The following WDR77 variants were observed in gnomAD, a reference collection of about 807,000 sequenced individuals.
WDR77 encodes the protein WD repeat domain 77.
In WDR77, 31 loss-of-function variants were observed where a neutral mutation model predicts 44.0. The ratio of observed to expected loss-of-function variants is 0.70; its 90% CI spans 0.53 to 0.95. WDR77 has a LOEUF of 0.95. Among genes scored for constraint, WDR77 ranks in the 40% least tolerant of loss-of-function variants. The pLI is 0.00. For missense variants in WDR77, 390 were observed against 423.9 expected (o/e 0.92, Z 0.70); for synonymous variants, 186 against 165.7 (o/e 1.12, Z -0.94).
At chr1:111,448,254 C>T (rs976527921) in intron 2 of WDR77, among the ~76,000 whole-genome samples, 2 of 151,238 alleles carry the variant, frequency 1.3e-5, no homozygotes, top group Non-Finnish European at 2.9e-5. Context: ...AGAATGAAGA[C>T]AAGAAAGCGG....
At position 111,442,022 on chromosome 1, in the gene WDR77, T is replaced by C; in HGVS notation, c.869+3A>G. On this transcript the variant is annotated splice_donor_region_variant and intron_variant, in intron 9 of 9. Coordinates refer to ENST00000235090, the MANE Select transcript of WDR77 (RefSeq NM_024102.4). ...TTCCCAAAGGATTCCACTTCACACT[T>C]ACAACTCAGAAAGGCTTGAGTCCAG... The C allele has an allele frequency of 1.9e-6, 3 of 1,613,804 alleles. No individual in the cohort carries two copies. The highest frequency in any genetic ancestry group is 1.1e-5 in the South Asian group (1 of 91,060).
Position 111,442,243 on chromosome 1 carries a change from T to C in WDR77, c.801-150A>G, listed in dbSNP as rs75930943. The C allele has an allele frequency of 2.6e-3, 1,829 of 694,040 alleles. 25 individuals are homozygous for C. The African/African-American group carries it at 0.03, about 11-fold the overall frequency. The allele number at this position is 694,040 out of a possible 1,614,324, so 43.0% of individuals were successfully genotyped here. A position where few individuals can be genotyped will look rare whatever the true frequency, so the allele number is the denominator to read the frequency against. On this transcript the variant is annotated intron_variant, in intron 8 of 9. Transcript: ENST00000235090. The stretch of plus-strand genomic sequence containing the variant: ...TAATCTGGCTACTACAAGTCCACAC[T>C]AAAAGTTTCAAGTAAAGATGAGGGA...
chr1:111,442,719 G>A lies in WDR77; in HGVS notation c.734C>T (p.Thr245Ile), dbSNP rs1307255243. Residue 245 changes from threonine to isoleucine, a missense_variant, in exon 8 of 10, where the codon ACA (threonine) becomes ATA (isoleucine). By Grantham distance (89) the Thr-to-Ile change is moderately conservative (BLOSUM62 -1). Coordinates refer to ENST00000235090, the MANE Select transcript of WDR77 (RefSeq NM_024102.4). ...GTVSLVDTKS[T>I]SCVLSSAVHS... is the part of the protein sequence containing the mutation. ...TACAGCTGAGCTCAGGACACAGCTT[G>A]TACTCTTGGTGTCCACAAGGGAGAC... 3.1e-6 allele frequency: 5 copies of A among 1,600,680 alleles called. No homozygotes were observed. The highest frequency in any genetic ancestry group is 4.3e-6 in the Non-Finnish European group (5 of 1,170,654).
At chr1:111,444,017 C>A in intron 5 of WDR77, 37 bp downstream of exon 5, 1 of 1,613,774 alleles carries the variant, frequency 6.2e-7, no homozygotes. Context: ...CTATGGATGG[C>A]TGGAGTGTGT....
chr1:111,447,165 G>C (rs1369987555), intron 3 of WDR77, 21 bp from the exon 4 acceptor site: 1 of 1,613,734 alleles, frequency 6.2e-7, no homozygotes, highest in African/African-American at 1.3e-5. Context: ...AAAGCAAACA[G>C]ACATTTAATC....
intron 8 of WDR77, 70 bp from the exon 9 acceptor site, chr1:111,442,163 C>T: frequency 1.4e-6 from 2 of 1,478,590 alleles, no homozygotes; most frequent in East Asian, 2.3e-5. Flanking sequence ...ACTGGGCCGG[C>T]CCTGCCGCCA....
chr1:111,449,003 G>C, intron 1 of WDR77, 52 bp downstream of exon 1: 1 of 1,545,274 alleles, frequency 6.5e-7, no homozygotes. Context: ...CTCCGGGGAG[G>C]GGCGCCCTGG....
rs745839789 is a variant in WDR77, at chr1:111,441,252, C to A, written c.1007G>T (p.Gly336Val). Residue 336 changes from glycine (G) to valine (V), a missense_variant, in exon 10 of 10, where the codon GGA (glycine) becomes GTA (valine). Gly to Val is a moderately radical substitution (Grantham distance 109). Transcript: ENST00000235090. ...VVPTEPLPAP[G>V]PASVTE ...AATCTACTCAGTAACACTTGCAGGTCCAGGGGCTGGGAGAGGTTCTGTGGG... is the reference window on the plus strand; with the variant it reads ...AATCTACTCAGTAACACTTGCAGGTACAGGGGCTGGGAGAGGTTCTGTGGG... 1 of 1,562,076 alleles carries A rather than the reference C, an allele frequency of 6.4e-7. No individual in the cohort carries two copies. The highest frequency in any genetic ancestry group is 2.3e-5 in the East Asian group (1 of 42,904).
chr1:111,444,335 G>A (rs892089121), intron 4 of WDR77, among the ~76,000 whole-genome samples: 1 of 151,764 alleles, frequency 6.6e-6, no homozygotes, highest in African/African-American at 2.4e-5. Context: ...AAAAAAAAAC[G>A]TATTAGTGAA....
At position 111,443,209 on chromosome 1, in the gene WDR77, T is replaced by A. The variant is rs949356273; in HGVS notation, c.691+114A>T. 5.9e-5 allele frequency: 55 copies of A among 929,362 alleles called. No individual in the cohort carries two copies. The African/African-American group carries it at 8.9e-4, about 15-fold the overall frequency. The allele number at this position is 929,362 out of a possible 1,614,324, so 57.6% of individuals were successfully genotyped here. A position where few individuals can be genotyped will look rare whatever the true frequency, so the allele number is the denominator to read the frequency against. On this transcript the variant is annotated intron_variant, in intron 7 of 9. Transcript: ENST00000235090. ...CACCCTCAATTCATAATTCATCTAGTGTCCATGAGGGCTAAGACTGAGCAA... is the reference window on the plus strand; with the variant it reads ...CACCCTCAATTCATAATTCATCTAGAGTCCATGAGGGCTAAGACTGAGCAA...
In WDR77 at chr1:111,441,021, A is replaced by T; in HGVS notation, c.*209T>A. ...TCTACACACACACTCACACGCACAT[A>T]CATGTCCATTTTTAAGAAAGCTTTT... On this transcript the variant is annotated 3_prime_UTR_variant, in exon 10 of 10. Transcript: ENST00000235090. 1 of 407,998 alleles carries T rather than the reference A, an allele frequency of 2.5e-6. No individual in the cohort carries two copies. The highest frequency in any genetic ancestry group is 4.1e-6 in the Non-Finnish European group (1 of 241,206). 25.3% of individuals were successfully genotyped at this position (407,998 alleles called of 1,614,324 possible).
intron 4 of WDR77, among the ~76,000 whole-genome samples, chr1:111,445,079 G>A (rs902811546): frequency 2.0e-5 from 3 of 152,202 alleles, no homozygotes; most frequent in African/African-American, 4.8e-5. Context: ...TTATATGCCA[G>A]AAATTACCTT....
intron 4 of WDR77, 80 bp downstream of exon 4, chr1:111,447,015 G>T: frequency 7.0e-7 from 1 of 1,430,662 alleles, no homozygotes; most frequent in Non-Finnish European, 9.8e-7. Flanking sequence ...TGGAATTGCT[G>T]CTCCTAACAT....
chr1:111,449,108 G>T lies in WDR77; in HGVS notation c.62C>A (p.Pro21Gln), dbSNP rs1310905101. 3 of 1,604,154 alleles carry T rather than the reference G, an allele frequency of 1.9e-6. No homozygotes were observed. The highest frequency in any genetic ancestry group is 2.5e-6 in the Non-Finnish European group (3 of 1,177,170). ...CCGTTCCATGCAGGCGGGCGCATTT[G>T]GGGGAAGATTCCACTCCCGGGCCGC... is the stretch of plus-strand genomic sequence containing the variant. ...PPAAREWNLP[P>Q]NAPACMERQL... Residue 21 changes from proline to glutamine, a missense_variant, in exon 1 of 10, where the codon CCA (proline) becomes CAA (glutamine). By Grantham distance (76) the Pro-to-Gln change is moderately conservative. Transcript: ENST00000235090.
chr1:111,441,809 C>A (rs899239491), intron 9 of WDR77, among the ~76,000 whole-genome samples: 2 of 152,162 alleles, frequency 1.3e-5, no homozygotes, highest in African/African-American at 2.4e-5. Flanking sequence ...ACCTACCACC[C>A]CCCTCTACCA....
chr1:111,448,512 G>A (rs1322776303), intron 2 of WDR77, 107 bp downstream of exon 2: 1 of 1,348,274 alleles, frequency 7.4e-7, no homozygotes, highest in Non-Finnish European at 1.0e-6. Context: ...GCTCCTCCAA[G>A]CACTGAGTAT....
Position 111,444,064 on chromosome 1 carries a change from G to A in WDR77, c.554C>T (p.Ser185Leu). The A allele has an allele frequency of 3.1e-6, 5 of 1,614,132 alleles. No individual in the cohort carries two copies. Among genetic ancestry groups the A allele is most frequent in the Non-Finnish European group, 4.2e-6 (5 of 1,180,024 alleles). ...GGAGCTATCTCTTACCTCGCTGCAT[G>A]AAAGAAACACAGAGTCCTTGTGAGG... ...ASPHKDSVFL[S>L]CSEDNRILLW... Residue 185 changes from serine to leucine, a missense_variant, in exon 5 of 10, where the codon TCA (serine) becomes TTA (leucine). Ser to Leu is a moderately radical substitution (Grantham distance 145). Coordinates refer to ENST00000235090, the MANE Select transcript of WDR77 (RefSeq NM_024102.4).
At chr1:111,443,537 C>T in intron 6 of WDR77, 143 bp from the exon 7 acceptor site, 1 of 1,269,362 alleles carries the variant, frequency 7.9e-7, no homozygotes, top group East Asian at 2.6e-5. Context: ...ATCCTTGAGC[C>T]TCATAACCAT....
chr1:111,449,020 G>A (rs995846032), intron 1 of WDR77, 35 bp downstream of exon 1: 5 of 1,554,046 alleles, frequency 3.2e-6, no homozygotes, highest in Middle Eastern at 1.7e-4. Flanking sequence ...CTGGGCCGGG[G>A]TAAGGGAGCT....
Sources: gnomAD v4.1 joint callset for allele counts (sites outside exome capture counted in the v4.1 genomes callset) on GRCh38, gnomAD v4.1.1 for gene constraint, MANE v1.5 for transcripts, NCBI Gene and HGNC (gene_info 2026-07-23, HGNC 2026-07-21) for gene names.